The following ERICH1 variants were observed in gnomAD, a reference collection of about 807,000 sequenced individuals.
The protein encoded by ERICH1 is glutamate rich 1, also known as glutamate-rich protein 1.
Under a neutral mutation model 39.6 loss-of-function variants are expected in ERICH1, and 56 were observed. The ratio of observed to expected loss-of-function variants is 1.41; its 90% confidence interval spans 1.14 to 1.77. ERICH1 has a LOEUF of 1.77. ERICH1 is among the 40% of genes most tolerant of loss of function. The pLI, the probability that ERICH1 is intolerant of heterozygous loss-of-function variation, is 0.00. For synonymous variants in ERICH1, 313 were observed against 223.6 expected, an observed-to-expected ratio of 1.40 and a Z score of -3.57; for missense variants, 826 against 575.4, an observed-to-expected ratio of 1.44 and a Z score of -4.45.
chr8:687,960 G>T (rs1803800315), intron 3 of ERICH1, among the ~76,000 whole-genome samples: 1 of 152,140 alleles, frequency 6.6e-6, no homozygotes, highest in South Asian at 2.1e-4. Context: ...CATCCCGGCG[G>T]CGAGAAGGCG....
At chr8:637,851 C>T (rs948635292) in intron 3 of ERICH1, among the ~76,000 whole-genome samples, 12 of 152,306 alleles carry the variant, frequency 7.9e-5, no homozygotes, top group African/African-American at 2.2e-4. Context: ...CGTGCGAGAG[C>T]ACAGCAGCCA....
chr8:627,287 G>A (rs1246716251), intron 3 of ERICH1: 4 of 445,520 alleles, frequency 9.0e-6, no homozygotes, highest in East Asian at 7.1e-5. Context: ...GAAAAGGGGT[G>A]TATAACAGGC....
chr8:653,928 A>C (rs545347035), intron 3 of ERICH1, among the ~76,000 whole-genome samples: 2 of 151,740 alleles, frequency 1.3e-5, no homozygotes, highest in South Asian at 4.2e-4. Context: ...TGCTGGGTGA[A>C]ATGAGCTGGT....
rs1802711838 is a variant in ERICH1, at chr8:668,855, A to T, written c.1064-63T>A. ...TTTTTATTTCTATAAACTAAAGATA[A>T]GCTTTCCTCTCTTAAGGAAGGTCTC... On this transcript the variant is annotated intron_variant, in intron 4 of 5. Transcript: ENST00000262109. 4.8e-6 allele frequency: 7 copies of T among 1,460,822 alleles called. No individual in the cohort carries two copies. In the South Asian group the frequency reaches 9.5e-5, roughly 20 times the overall value. 90.5% of individuals were successfully genotyped at this position (1,460,822 alleles called of 1,614,324 possible).
intron 1 of ERICH1, among the ~76,000 whole-genome samples, chr8:727,063 G>GTACACA (rs1159078683): frequency 9.1e-5 from 13 of 142,672 alleles, no homozygotes; most frequent in African/African-American, 3.5e-4. Context: ...ATGCACACAC[G>GTACACA]TACACATACA....
At chr8:661,146 T>C (rs898928767), downstream of ERICH1, among the ~76,000 whole-genome samples, 9 of 152,280 alleles carry the variant, frequency 5.9e-5, 1 homozygote, top group South Asian at 1.9e-3. Context: ...GGCAGATGCA[T>C]GCACATTTCT....
chr8:615,229 C>A, exon 4 of ERICH1: 1 of 694,740 alleles, frequency 1.4e-6, no homozygotes, highest in Admixed American at 2.1e-5. Context: ...CTGGTTAAGG[C>A]AGCCCCTCTC....
chr8:720,633 C>T (rs541680226), intron 1 of ERICH1, among the ~76,000 whole-genome samples: 7 of 152,212 alleles, frequency 4.6e-5, no homozygotes, highest in Non-Finnish European at 1.0e-4. Flanking sequence ...GTACAGTTTA[C>T]AGCCACGGGA....
chr8:622,911 T>C (rs1479055372), intron 3 of ERICH1, among the ~76,000 whole-genome samples: 2 of 151,890 alleles, frequency 1.3e-5, no homozygotes, highest in Non-Finnish European at 2.9e-5. Context: ...TGAGCCATGA[T>C]TGTACCACTG....
intron 3 of ERICH1, among the ~76,000 whole-genome samples, chr8:624,374 A>G (rs1308143619): frequency 6.6e-6 from 1 of 152,234 alleles, no homozygotes; most frequent in East Asian, 1.9e-4. Context: ...AAAAAGGTGA[A>G]CACAGAGTCA....
intron 4 of ERICH1, among the ~76,000 whole-genome samples, chr8:671,386 T>G (rs1341177099): frequency 1.4e-5 from 2 of 140,690 alleles, no homozygotes; most frequent in Non-Finnish European, 3.0e-5. Context: ...GGCTCTAATG[T>G]CTGTGCTCAC....
intron 3 of ERICH1, among the ~76,000 whole-genome samples, chr8:619,471 A>C (rs1238214027): frequency 4.6e-5 from 7 of 152,230 alleles, no homozygotes; most frequent in Non-Finnish European, 8.8e-5. Flanking sequence ...ATACATTTGA[A>C]AATAGCAGCA....
intron 3 of ERICH1, chr8:640,663 G>C (rs963288300): frequency 3.9e-5 from 6 of 152,234 alleles, no homozygotes; most frequent in African/African-American, 1.4e-4. Context: ...CAGGTGATGA[G>C]TGGCATGTGC....
chr8:673,809 T>C lies in ERICH1; in HGVS notation c.543A>G (p.Ala181=), dbSNP rs143270935. Residue 181 remains alanine, a synonymous_variant, in exon 4 of 6, where the codon GCA becomes GCG. Transcript: ENST00000262109. The part of the protein sequence containing the change: ...IKRKKAAGLA[A]KAAGVSFMYQ... The stretch of plus-strand genomic sequence containing the variant: ...ACATGAAACTGACACCAGCAGCCTT[T>C]GCTGCCAAGCCGGCTGCTTTCTTCC... 2.5e-3 allele frequency: 3,970 copies of C among 1,614,214 alleles called. 9 individuals are homozygous for C. The highest frequency in any genetic ancestry group is 3.0e-3 in the Non-Finnish European group (3,565 of 1,180,044).
intron 2 of ERICH1, among the ~76,000 whole-genome samples, chr8:707,727 T>C (rs62484216): frequency 0.015 from 2,358 of 152,318 alleles, 28 homozygotes; most frequent in Middle Eastern, 0.037. Flanking sequence ...TTTGTGGCCT[T>C]TGATTAGGCA....
chr8:703,842 C>T lies in ERICH1; in HGVS notation c.170-11230G>A, dbSNP rs1030738142. On this transcript the variant is annotated intron_variant, in intron 2 of 5. Transcript: ENST00000262109. ...TCTGAATGACAGGAATTCTGTAAAC[C>T]GAAGATTGAAAGCAAAGAGGAGGAA... Among the ~76,000 whole-genome samples the T allele has an allele frequency of 3.3e-5, 5 of 152,142 alleles. No individual in the cohort carries two copies. In the South Asian group the frequency reaches 8.3e-4, roughly 25 times the overall value.
chr8:661,927 C>T (rs534198633), downstream of ERICH1, among the ~76,000 whole-genome samples: 1 of 152,368 alleles, frequency 6.6e-6, no homozygotes, highest in South Asian at 2.1e-4. Context: ...ACCCACCACC[C>T]CCCGCAGTGG....
chr8:630,126 C>T (rs1371081104), intron 3 of ERICH1, among the ~76,000 whole-genome samples: 106 of 96,800 alleles, frequency 1.1e-3, no homozygotes, highest in East Asian at 6.1e-3. Context: ...AGCACCCACA[C>T]AGACAGAGCT....
intron 3 of ERICH1, among the ~76,000 whole-genome samples, chr8:655,787 T>C (rs1191724594): frequency 9.4e-6 from 1 of 106,370 alleles, no homozygotes; most frequent in East Asian, 2.8e-4. Context: ...ATTATTTAAA[T>C]ACATTCCTGC....
Sources: gnomAD v4.1 joint callset for allele counts (sites outside exome capture counted in the v4.1 genomes callset) on GRCh38, gnomAD v4.1.1 for gene constraint, MANE v1.5 for transcripts, NCBI Gene and HGNC (gene_info 2026-07-23, HGNC 2026-07-21) for gene names.